NRG1: variants seen among roughly 807,000 people sequenced by gnomAD.
The protein encoded by NRG1 is pro-neuregulin-1, membrane-bound isoform.
A neutral mutation model predicts 63.8 loss-of-function variants in NRG1; 18 were observed. The ratio of observed to expected loss-of-function variants is 0.28; its 90% CI spans 0.19 to 0.42. The LOEUF (loss-of-function observed/expected upper bound fraction) is 0.42. Among genes scored for constraint, NRG1 ranks in the 10% least tolerant of loss-of-function variants. NRG1 has a pLI of 1.00. For missense variants in NRG1, 762 were observed against 814.7 expected, an observed-to-expected ratio of 0.94 and a Z score of 0.79; for synonymous variants, 302 against 301.3, an observed-to-expected ratio of 1.00 and a Z score of -0.02.
At chr8:32,479,391 C>T (rs1292233914) in intron 1 of NRG1, among the ~76,000 whole-genome samples, 1 of 152,000 alleles carries the variant, frequency 6.6e-6, no homozygotes, top group Non-Finnish European at 1.5e-5. Context: ...GCAGGAGAGT[C>T]GCTTGAACCT....
At chr8:32,471,501 C>G (rs1165512754) in intron 1 of NRG1, among the ~76,000 whole-genome samples, 3 of 151,778 alleles carry the variant, frequency 2.0e-5, no homozygotes, top group Non-Finnish European at 4.4e-5. Flanking sequence ...GGTGAAGTAC[C>G]CTTTTTAAAA....
chr8:31,648,068 T>C (rs1433878267), intron 1 of NRG1, among the ~76,000 whole-genome samples: 1 of 150,300 alleles, frequency 6.7e-6, no homozygotes, highest in East Asian at 2.0e-4. Context: ...CCCCATTCCC[T>C]TTCCTCCTTT....
chr8:32,374,630 T>C (rs772146675), intron 1 of NRG1, among the ~76,000 whole-genome samples: 62 of 152,166 alleles, frequency 4.1e-4, no homozygotes, highest in Admixed American at 8.5e-4. Context: ...TCCCAACATC[T>C]TCACCTCCAG....
chr8:31,754,216 C>A (rs59672475), intron 1 of NRG1, among the ~76,000 whole-genome samples: 1 of 151,938 alleles, frequency 6.6e-6, no homozygotes, highest in Non-Finnish European at 1.5e-5. Context: ...TGTCTCTGCC[C>A]AAATCTCATG....
intron 1 of NRG1, among the ~76,000 whole-genome samples, chr8:31,952,741 T>G (rs1005353874): frequency 3.3e-5 from 5 of 152,244 alleles, no homozygotes; most frequent in Admixed American, 3.3e-4. Flanking sequence ...GTTTTGCCCT[T>G]GTCAAACACT....
intron 1 of NRG1, among the ~76,000 whole-genome samples, chr8:31,968,319 G>A (rs780274234): frequency 6.6e-6 from 1 of 152,110 alleles, no homozygotes; most frequent in Non-Finnish European, 1.5e-5. Flanking sequence ...GTCCTAACTG[G>A]CTTGGCTCAT....
At chr8:32,240,158 C>A (rs1847958378) in intron 1 of NRG1, among the ~76,000 whole-genome samples, 1 of 152,052 alleles carries the variant, frequency 6.6e-6, no homozygotes, top group South Asian at 2.1e-4. Flanking sequence ...CCCAAATATC[C>A]TTAGATCAGT....
intron 1 of NRG1, among the ~76,000 whole-genome samples, chr8:32,528,992 C>G (rs533524206): frequency 1.3e-5 from 2 of 152,328 alleles, no homozygotes; most frequent in Non-Finnish European, 2.9e-5. Flanking sequence ...TCGTACCTCA[C>G]TTAACAATGT....
chr8:31,768,525 A>G lies in NRG1; in HGVS notation c.37+129094A>G, dbSNP rs554087249. 2.6e-5 allele frequency among the ~76,000 whole-genome samples: 4 copies of G among 152,314 alleles called. No individual in the cohort carries two copies. In the East Asian group the frequency reaches 5.8e-4, roughly 22 times the overall value. ...GCCCACTGAAGTTATAACTTGTGGA[A>G]CACTGTTCAAATTACCGAAAAGAGT... On this transcript the variant is annotated intron_variant, in intron 1 of 10. Coordinates refer to the NRG1 transcript ENST00000519301.
chr8:32,374,406 G>A (rs908372103), intron 1 of NRG1, among the ~76,000 whole-genome samples: 2 of 152,188 alleles, frequency 1.3e-5, no homozygotes, highest in African/African-American at 2.4e-5. Flanking sequence ...CTTATGGAAA[G>A]GGAGGGAAGA....
intron 1 of NRG1, among the ~76,000 whole-genome samples, chr8:32,293,200 T>C (rs761812692): frequency 6.6e-6 from 1 of 152,188 alleles, no homozygotes; most frequent in African/African-American, 2.4e-5. Context: ...CGTTATATGA[T>C]AAAATATATG....
intron 1 of NRG1, among the ~76,000 whole-genome samples, chr8:32,501,169 G>C (rs1314552026): frequency 6.6e-6 from 1 of 152,096 alleles, no homozygotes; most frequent in African/African-American, 2.4e-5. Context: ...ACTTAAAATG[G>C]CCATACCTAA....
At chr8:32,682,324 A>C (rs1002888346) in intron 5 of NRG1, among the ~76,000 whole-genome samples, 1 of 152,184 alleles carries the variant, frequency 6.6e-6, no homozygotes, top group Non-Finnish European at 1.5e-5. Flanking sequence ...CCTTATTTAC[A>C]TATTATTAAA....
chr8:32,081,436 G>C (rs1827451464), intron 1 of NRG1, among the ~76,000 whole-genome samples: 1 of 152,084 alleles, frequency 6.6e-6, no homozygotes, highest in African/African-American at 2.4e-5. Context: ...TAATCTTTAA[G>C]GAGAGAATAG....
At chr8:31,902,776 G>C (rs1832194301) in intron 1 of NRG1, among the ~76,000 whole-genome samples, 1 of 152,124 alleles carries the variant, frequency 6.6e-6, no homozygotes, top group Non-Finnish European at 1.5e-5. Flanking sequence ...TGTTGTGGCA[G>C]ATTACATTTT....
chr8:32,692,112 T>A (rs1471958616), intron 5 of NRG1, among the ~76,000 whole-genome samples: 2 of 152,360 alleles, frequency 1.3e-5, no homozygotes, highest in Non-Finnish European at 2.9e-5. Context: ...CATAATGACT[T>A]GAAGTATTTT....
chr8:32,397,633 C>G (rs1225585808), intron 1 of NRG1, among the ~76,000 whole-genome samples: 1 of 151,708 alleles, frequency 6.6e-6, no homozygotes, highest in Non-Finnish European at 1.5e-5. Flanking sequence ...CTTGGAGTTT[C>G]TGACTATTTG....
intron 1 of NRG1, among the ~76,000 whole-genome samples, chr8:31,854,576 T>TG: frequency 1.3e-5 from 2 of 152,260 alleles, no homozygotes; most frequent in Middle Eastern, 6.8e-3. Context: ...CTGGATTCAT[T>TG]AATTTTTTGA....
At chr8:31,781,202 A>G (rs932805770) in intron 1 of NRG1, among the ~76,000 whole-genome samples, 2 of 152,188 alleles carry the variant, frequency 1.3e-5, no homozygotes, top group Non-Finnish European at 2.9e-5. Flanking sequence ...AGTTTAAGAT[A>G]GATCTGACAT....
Sources: gnomAD v4.1 joint callset for allele counts (sites outside exome capture counted in the v4.1 genomes callset) on GRCh38, gnomAD v4.1.1 for gene constraint, MANE v1.5 for transcripts, NCBI Gene and HGNC (gene_info 2026-07-23, HGNC 2026-07-21) for gene names.